Variants in NEDD4 observed in about 807,000 individuals in gnomAD.
NEDD4 encodes the protein E3 ubiquitin-protein ligase NEDD4.
In NEDD4, 99 loss-of-function variants were observed where a neutral mutation model predicts 144.9. The ratio of observed to expected loss-of-function variants is 0.68; its 90% CI spans 0.58 to 0.81. The LOEUF (loss-of-function observed/expected upper bound fraction) is 0.81. NEDD4 is among the 30% of genes least tolerant of loss of function. The probability of loss-of-function intolerance (pLI) is 0.00; values close to 1 mark genes in which losing one functional copy is unlikely to be tolerated. For synonymous variants in NEDD4, 318 were observed against 350.6 expected (o/e 0.91, Z 1.04); for missense variants, 985 against 1,065.9 (o/e 0.92, Z 1.06).
intron 1 of NEDD4, among the ~76,000 whole-genome samples, chr15:55,980,957 T>C (rs1283497818): frequency 6.6e-6 from 1 of 151,430 alleles, no homozygotes; most frequent in African/African-American, 2.4e-5. Context: ...CAGATGTGAA[T>C]AATACTGTAT....
At chr15:55,970,848 G>C (rs747826064) in intron 1 of NEDD4, among the ~76,000 whole-genome samples, 3 of 152,146 alleles carry the variant, frequency 2.0e-5, no homozygotes, top group Non-Finnish European at 4.4e-5. Flanking sequence ...GTGAAGATTA[G>C]AATAAATACC....
chr15:55,958,980 A>G (rs955838382), intron 2 of NEDD4, among the ~76,000 whole-genome samples: 1 of 94,244 alleles, frequency 1.1e-5, no homozygotes, highest in South Asian at 3.9e-4. Flanking sequence ...TTTGATTACA[A>G]TAATTTTTTT....
intron 1 of NEDD4, among the ~76,000 whole-genome samples, chr15:55,983,285 G>GGTGTGT (rs756080748): frequency 2.7e-5 from 4 of 148,050 alleles, no homozygotes; most frequent in East Asian, 2.0e-4. Context: ...TGACGACAAT[G>GGTGTGT]GTGTGTGTGT....
chr15:55,915,851 C>T lies in NEDD4; in HGVS notation c.291+8795G>A, dbSNP rs377544053. The stretch of plus-strand genomic sequence containing the variant: ...CGGGGGTACAAATTGTTTTAGATAA[C>T]CGAAGTCCATTGACAGCTGTTGAAA... On this transcript the variant is annotated intron_variant, in intron 5 of 28. Coordinates refer to ENST00000435532, the MANE Select transcript of NEDD4 (RefSeq NM_006154.4). 8.1e-6 allele frequency: 13 copies of T among 1,613,854 alleles called. No homozygotes were observed. The African/African-American group carries it at 1.5e-4, about 18-fold the overall frequency.
chr15:55,835,188 C>A (rs1426117437), intron 24 of NEDD4, among the ~76,000 whole-genome samples: 1 of 152,174 alleles, frequency 6.6e-6, no homozygotes, highest in African/African-American at 2.4e-5. Flanking sequence ...TCTAACCCCT[C>A]AACCCACTGC....
At chr15:55,923,830 C>CT (rs11376596) in intron 5 of NEDD4, among the ~76,000 whole-genome samples, 18,791 of 150,620 alleles carry the variant, frequency 0.12, 1,228 homozygotes, top group Middle Eastern at 0.18. Flanking sequence ...TAAAAACAGA[C>CT]TTTTTTTTAA....
chr15:55,921,521 C>T lies in NEDD4; in HGVS notation c.291+3125G>A, dbSNP rs2036569198. Among the ~76,000 whole-genome samples the T allele has an allele frequency of 5.9e-5, 9 of 152,226 alleles. No individual in the cohort carries two copies. In the South Asian group the frequency reaches 1.9e-3, roughly 32 times the overall value. On this transcript the variant is annotated intron_variant, in intron 5 of 28. Coordinates refer to ENST00000435532, the MANE Select transcript of NEDD4 (RefSeq NM_006154.4). The stretch of plus-strand genomic sequence containing the variant: ...TGTATTTTTAGTAGAGACGCAGTTT[C>T]ACCATGCTGGCCAGGCTGGTGTCGA...
chr15:55,972,130 G>A (rs2037621425), intron 1 of NEDD4, among the ~76,000 whole-genome samples: 3 of 152,190 alleles, frequency 2.0e-5, no homozygotes, highest in Non-Finnish European at 4.4e-5. Context: ...GCTAAAGGGT[G>A]TCCCACAGTC....
chr15:55,902,470 T>C (rs1261447680), intron 5 of NEDD4, among the ~76,000 whole-genome samples: 1 of 152,120 alleles, frequency 6.6e-6, no homozygotes, highest in African/African-American at 2.4e-5. Flanking sequence ...TGTTTATGGG[T>C]ACAATATGTA....
intron 5 of NEDD4, among the ~76,000 whole-genome samples, chr15:55,887,422 T>C (rs1276723178): frequency 1.1e-4 from 17 of 152,096 alleles, no homozygotes; most frequent in Non-Finnish European, 2.5e-4. Context: ...ATACAACCTA[T>C]TAAGATTGAG....
chr15:55,838,608 G>A lies in NEDD4; in HGVS notation c.2032-4C>T, dbSNP rs2033322293. The A allele has an allele frequency of 6.3e-7, 1 of 1,591,504 alleles. No homozygotes were observed. Among genetic ancestry groups the A allele is most frequent in the African/African-American group, 1.3e-5 (1 of 74,410 alleles). Reference sequence around the variant, plus strand: ...GGGAATTGTAATATTCACTATCCTAGATGGGAAAAATTACATATTTAAAAT... The same window carrying A: ...GGGAATTGTAATATTCACTATCCTAAATGGGAAAAATTACATATTTAAAAT... On this transcript the variant is annotated splice_polypyrimidine_tract_variant and splice_region_variant and intron_variant, in intron 21 of 28. Coordinates refer to ENST00000435532, the MANE Select transcript of NEDD4 (RefSeq NM_006154.4).
chr15:55,943,626 T>G (rs1157459041), intron 4 of NEDD4, among the ~76,000 whole-genome samples: 2 of 152,126 alleles, frequency 1.3e-5, no homozygotes, highest in African/African-American at 4.8e-5. Flanking sequence ...AGAGGATGTA[T>G]GGAAATGTGT....
chr15:55,903,667 T>C (rs996379284), intron 5 of NEDD4, among the ~76,000 whole-genome samples: 2 of 147,118 alleles, frequency 1.4e-5, no homozygotes, highest in African/African-American at 5.1e-5. Flanking sequence ...CTACTAAAAA[T>C]ACAAAAAATT....
intron 2 of NEDD4, among the ~76,000 whole-genome samples, chr15:55,955,609 A>C (rs2037322746): frequency 6.6e-6 from 1 of 152,072 alleles, no homozygotes; most frequent in African/African-American, 2.4e-5. Flanking sequence ...GTAATATCCT[A>C]ATGATTAATC....
At chr15:55,981,529 A>C (rs1357844961) in intron 1 of NEDD4, among the ~76,000 whole-genome samples, 1 of 152,208 alleles carries the variant, frequency 6.6e-6, no homozygotes, top group Non-Finnish European at 1.5e-5. Context: ...CATAACTGAG[A>C]AATAAAATCA....
At chr15:55,929,897 G>C (rs2036747614) in intron 4 of NEDD4, among the ~76,000 whole-genome samples, 2 of 151,926 alleles carry the variant, frequency 1.3e-5, no homozygotes, top group Middle Eastern at 3.2e-3. Flanking sequence ...TACTAAAAAA[G>C]GGAACTGGAA....
intron 5 of NEDD4, among the ~76,000 whole-genome samples, chr15:55,891,925 T>C (rs1387972774): frequency 6.6e-6 from 1 of 152,110 alleles, no homozygotes. Context: ...TAAGTTAAAG[T>C]GTCACAACTT....
chr15:55,836,534 T>G (rs2033205418), intron 24 of NEDD4, among the ~76,000 whole-genome samples: 1 of 150,010 alleles, frequency 6.7e-6, no homozygotes, highest in South Asian at 2.1e-4. Flanking sequence ...ACCAGGCTAA[T>G]TTTTTTTTTG....
At chr15:55,987,886 T>C (rs2037919266) in intron 1 of NEDD4, 3 of 97,264 alleles carry the variant, frequency 3.1e-5, no homozygotes, top group African/African-American at 8.3e-5. Flanking sequence ...CCTTGTAGTA[T>C]AGTTTGAAGT....
Sources: allele counts gnomAD v4.1 joint callset (sites outside exome capture counted in the v4.1 genomes callset), GRCh38; gene constraint gnomAD v4.1.1; transcripts MANE v1.5; gene names NCBI Gene and HGNC (gene_info 2026-07-23, HGNC 2026-07-21).